MARK1: variants seen among roughly 807,000 people sequenced by gnomAD.
MARK1 encodes the protein microtubule affinity regulating kinase 1.
In MARK1, 40 loss-of-function variants were observed where a neutral mutation model predicts 96.3. The ratio of observed to expected loss-of-function variants is 0.42; its 90% CI spans 0.32 to 0.54. The LOEUF is 0.54. Ranked by LOEUF, MARK1 falls within the 20% of genes least tolerant of loss-of-function variation. The pLI, the probability that MARK1 is intolerant of heterozygous loss-of-function variation, is 0.16. For synonymous variants in MARK1, 317 were observed against 341.2 expected (o/e 0.93, Z 0.78); for missense variants, 719 against 984.6 (o/e 0.73, Z 3.61).
intron 9 of MARK1, among the ~76,000 whole-genome samples, chr1:220,624,680 C>G (rs1174938616): frequency 6.6e-6 from 1 of 151,840 alleles, no homozygotes; most frequent in African/African-American, 2.4e-5. Flanking sequence ...AGGGTTTGAT[C>G]CATGTATATA....
intron 1 of MARK1, among the ~76,000 whole-genome samples, chr1:220,539,135 C>T (rs1275080125): frequency 6.6e-6 from 1 of 150,954 alleles, no homozygotes; most frequent in Admixed American, 6.6e-5. Flanking sequence ...GAGGGCATCC[C>T]TGTCTTGTGC....
Position 220,635,848 on chromosome 1 carries a change from C to T in MARK1, c.1292C>T (p.Pro431Leu), listed in dbSNP as rs551927325. 9 of 1,597,100 alleles carry T rather than the reference C, an allele frequency of 5.6e-6. No homozygotes were observed. The African/African-American group carries it at 9.5e-5, about 17-fold the overall frequency. The change falls in exon 13 of 18, where the codon CCT becomes CTT. Residue 431 changes from proline to leucine, a missense_variant. Coordinates refer to ENST00000366917, the MANE Select transcript of MARK1 (RefSeq NM_018650.5). Reference protein sequence around the residue: ...RFSDHAGPSIPPAVSYTKRPQ... With the variant: ...RFSDHAGPSILPAVSYTKRPQ... The stretch of plus-strand genomic sequence containing the variant: ...AAAATTATAGCTGGTCCATCCATTC[C>T]TCCTGCTGTATCATATACCAAAAGA...
intron 6 of MARK1, among the ~76,000 whole-genome samples, chr1:220,606,453 C>G (rs988567969): frequency 6.6e-6 from 1 of 151,964 alleles, no homozygotes; most frequent in Admixed American, 6.6e-5. Flanking sequence ...GATTGCAAAA[C>G]TTTTCTCCCA....
chr1:220,650,268 A>G (rs2103050660), intron 13 of MARK1, among the ~76,000 whole-genome samples: 1 of 152,224 alleles, frequency 6.6e-6, no homozygotes, highest in Non-Finnish European at 1.5e-5. Flanking sequence ...CTTAGTGTGG[A>G]GTTGGCTTGC....
At chr1:220,639,301 G>A (rs1294319928) in intron 13 of MARK1, among the ~76,000 whole-genome samples, 1 of 151,940 alleles carries the variant, frequency 6.6e-6, no homozygotes, top group African/African-American at 2.4e-5. Context: ...ATAAGTGAAT[G>A]TATATGTACA....
intron 2 of MARK1, among the ~76,000 whole-genome samples, chr1:220,580,586 C>T (rs1041347364): frequency 4.6e-5 from 7 of 152,164 alleles, no homozygotes; most frequent in Non-Finnish European, 8.8e-5. Flanking sequence ...TCTATTCTGA[C>T]CCCAGGAGCC....
At chr1:220,569,945 T>G (rs1663325610) in intron 1 of MARK1, among the ~76,000 whole-genome samples, 1 of 152,068 alleles carries the variant, frequency 6.6e-6, no homozygotes, top group South Asian at 2.1e-4. Context: ...GAATTATTGT[T>G]TACATGTGAA....
Position 220,631,106 on chromosome 1 carries a change from T to G in MARK1, c.981T>G (p.Asp327Glu), listed in dbSNP as rs1432059361. Residue 327 changes from aspartate to glutamate, a missense_variant, in exon 10 of 18, where the codon GAT (aspartate) becomes GAG (glutamate). This residue lies in a region of MARK1 where 501 missense variants were observed against 588.3 expected (regional missense o/e 0.85). Coordinates refer to ENST00000366917, the MANE Select transcript of MARK1 (RefSeq NM_018650.5). The stretch of plus-strand genomic sequence containing the variant: ...AACTAAAGCCATATACTGAGCCTGA[T>G]CCGGATTTCAATGACACAAAAAGAA... The part of the protein sequence containing the change: ...EEELKPYTEP[D>E]PDFNDTKRID... 1 of 1,612,630 alleles carries G rather than the reference T, an allele frequency of 6.2e-7. No homozygotes were observed. Among genetic ancestry groups the G allele is most frequent in the Non-Finnish European group, 8.5e-7 (1 of 1,179,038 alleles).
rs1669545398 is a variant in MARK1 at position 220,662,765 on chromosome 1, G to A, written c.*599G>A. 6.5e-6 allele frequency: 1 copy of A among 152,676 alleles called. No homozygotes were observed. The highest frequency in any genetic ancestry group is 2.4e-5 in the African/African-American group (1 of 41,442). 9.5% of individuals were successfully genotyped at this position (152,676 alleles called of 1,614,324 possible). A position where few individuals can be genotyped will look rare whatever the true frequency, so the allele number is the denominator to read the frequency against. ...CCTTGTTATCCCGCAAGGTTTAGTT[G>A]AGAAGATACAAAATGTTTACAGTGT... On this transcript the variant is annotated 3_prime_UTR_variant, in exon 18 of 18. Transcript: ENST00000366917.
intron 6 of MARK1, among the ~76,000 whole-genome samples, chr1:220,612,875 C>T (rs1666528409): frequency 6.6e-6 from 1 of 152,018 alleles, no homozygotes; most frequent in African/African-American, 2.4e-5. Context: ...ACTGAGCAGC[C>T]ATTGCCCATA....
chr1:220,641,403 A>C (rs769487003), intron 13 of MARK1, among the ~76,000 whole-genome samples: 28 of 152,186 alleles, frequency 1.8e-4, no homozygotes, highest in Non-Finnish European at 3.2e-4. Context: ...TGAAATCACA[A>C]CAAAAAGATG....
rs192837698 is a variant in MARK1 at position 220,544,371 on chromosome 1, G to A, written c.51+15498G>A. 4.7e-3 allele frequency among the ~76,000 whole-genome samples: 711 copies of A among 152,302 alleles called. 12 individuals carry two copies. Among genetic ancestry groups the A allele is most frequent in the Non-Finnish European group, 4.5e-3 (307 of 68,028 alleles). ...TCAGAGCCCTCACGAATGGCTTAAT[G>A]TTTTCTCAGTAGCAGGTTAGTTATC... On this transcript the variant is annotated intron_variant, in intron 1 of 17. Coordinates refer to ENST00000366917, the MANE Select transcript of MARK1 (RefSeq NM_018650.5).
intron 16 of MARK1, among the ~76,000 whole-genome samples, chr1:220,656,514 A>G (rs1669184571): frequency 6.6e-6 from 1 of 152,224 alleles, no homozygotes; most frequent in African/African-American, 2.4e-5. Flanking sequence ...GTGGGAGTCA[A>G]CAGCATTACT....
At chr1:220,567,971 T>G (rs1208670331) in intron 1 of MARK1, among the ~76,000 whole-genome samples, 2 of 152,264 alleles carry the variant, frequency 1.3e-5, no homozygotes, top group East Asian at 3.9e-4. Flanking sequence ...ATGTGTCTCT[T>G]ATGGGCAGCA....
At chr1:220,592,219 CATATT>C (rs66795891) in intron 3 of MARK1, among the ~76,000 whole-genome samples, 45,069 of 136,174 alleles carry the variant, frequency 0.33, 7,437 homozygotes, top group Admixed American at 0.36. Flanking sequence ...ATGATTATAT[CATATT>C]ATATTATATT....
chr1:220,529,710 G>A (rs776945034), intron 1 of MARK1, among the ~76,000 whole-genome samples: 16 of 152,126 alleles, frequency 1.1e-4, no homozygotes, highest in Non-Finnish European at 2.1e-4. Flanking sequence ...CAGATGTGCC[G>A]GGCTTTTAAA....
chr1:220,550,472 T>C (rs995443437), intron 1 of MARK1, among the ~76,000 whole-genome samples: 1 of 152,058 alleles, frequency 6.6e-6, no homozygotes, highest in Non-Finnish European at 1.5e-5. Context: ...CCCACCTCAG[T>C]CCCTCAAGTA....
chr1:220,558,178 T>TAATAATA (rs1240086683), intron 1 of MARK1, among the ~76,000 whole-genome samples: 3 of 141,446 alleles, frequency 2.1e-5, no homozygotes, highest in African/African-American at 5.1e-5. Context: ...ATAATAATAA[T>TAATAATA]ATGGGAAATG....
intron 13 of MARK1, among the ~76,000 whole-genome samples, chr1:220,642,768 A>G (rs1370853362): frequency 6.6e-6 from 1 of 152,170 alleles, no homozygotes; most frequent in Non-Finnish European, 1.5e-5. Context: ...TTCCAGAGGA[A>G]AGAGCAGACA....
Sources: allele counts gnomAD v4.1 joint callset (sites outside exome capture counted in the v4.1 genomes callset), GRCh38; gene constraint gnomAD v4.1.1; regional missense constraint gnomAD v4.1.1; transcripts MANE v1.5; gene names NCBI Gene and HGNC (gene_info 2026-07-23, HGNC 2026-07-21).